The following CFAP65 variants were observed in gnomAD, a reference collection of about 807,000 sequenced individuals.
The protein encoded by CFAP65 is cilia and flagella associated protein 65, also known as cilia- and flagella-associated protein 65.
Under a neutral mutation model 208.0 loss-of-function variants are expected in CFAP65, and 155 were observed. The ratio of observed to expected loss-of-function variants is 0.75; its 90% CI spans 0.65 to 0.85. CFAP65 has a LOEUF of 0.85. Ranked by LOEUF, CFAP65 falls within the 40% of genes least tolerant of loss-of-function variation. The probability of loss-of-function intolerance (pLI) is 0.00; values close to 1 mark genes in which losing one functional copy is unlikely to be tolerated. For synonymous variants in CFAP65, 970 were observed against 986.3 expected (o/e 0.98, Z 0.31); for missense variants, 2,294 against 2,451.3 (o/e 0.94, Z 1.36).
At chr2:219,005,176 C>T (rs1415471629) in intron 32 of CFAP65, among the ~76,000 whole-genome samples, 1 of 152,038 alleles carries the variant, frequency 6.6e-6, no homozygotes, top group Non-Finnish European at 1.5e-5. Flanking sequence ...CAGGCATGCA[C>T]CACCATGTCC....
chr2:219,017,325 C>T (rs544025196), intron 21 of CFAP65, among the ~76,000 whole-genome samples: 54 of 152,346 alleles, frequency 3.5e-4, no homozygotes, highest in African/African-American at 1.2e-3. Flanking sequence ...GGGGAGAAGG[C>T]GTGGAGGGAG....
intron 1 of CFAP65, 82 bp from the exon 2 acceptor site, chr2:219,040,646 A>G (rs1327236995): frequency 6.5e-7 from 1 of 1,550,250 alleles, no homozygotes; most frequent in East Asian, 2.4e-5. Context: ...AATGCCTCTG[A>G]CCTCAGGGGA....
At chr2:219,006,833 CAA>C (rs752764154) in intron 29 of CFAP65, among the ~76,000 whole-genome samples, 27 of 76,414 alleles carry the variant, frequency 3.5e-4, no homozygotes, top group East Asian at 7.8e-4. Flanking sequence ...GACTCTGTCT[CAA>C]AAAAAAAAAA....
At chr2:219,028,069 C>G in intron 12 of CFAP65, 60 bp from the exon 13 acceptor site, 1 of 1,527,300 alleles carries the variant, frequency 6.5e-7, no homozygotes, top group South Asian at 1.3e-5. Flanking sequence ...TGTTGCCCCT[C>G]CTGGGTACAC....
intron 14 of CFAP65, 141 bp from the exon 15 acceptor site, chr2:219,024,401 GA>G (rs1947480438): frequency 1.1e-6 from 1 of 945,786 alleles, no homozygotes; most frequent in African/African-American, 1.7e-5. Flanking sequence ...AACGCCCTGG[GA>G]ACGGGGAATT....
rs137912772 is a variant in CFAP65, at chr2:219,019,554, C to T, written c.3425G>A (p.Arg1142His). 2.7e-5 allele frequency: 44 copies of T among 1,613,330 alleles called. No individual in the cohort carries two copies. Among genetic ancestry groups the T allele is most frequent in the Middle Eastern group, 1.7e-4 (1 of 5,930 alleles). The change falls in exon 20 of 35, where the codon CGT (arginine) becomes CAT (histidine). Residue 1142 changes from arginine to histidine, a missense_variant. Physicochemically the swap from Arg to His is conservative, Grantham distance 29. This residue lies in a region of CFAP65 where 1,427 missense variants were observed against 1,438.7 expected (regional missense o/e 0.99). Coordinates refer to ENST00000341552, the MANE Select transcript of CFAP65 (RefSeq NM_194302.4). ...GGTGAGCTCACAGGGGGTGGGGTCACGCTCCAAGTAACTGTTAAGCAGGTC... is the reference window on the plus strand; with the variant it reads ...GGTGAGCTCACAGGGGGTGGGGTCATGCTCCAAGTAACTGTTAAGCAGGTC... Reference protein sequence around the residue: ...SLDLLNSYLERDPTPCELTYK... With the variant: ...SLDLLNSYLEHDPTPCELTYK...
At chr2:219,039,077 T>C (rs953034449) in intron 2 of CFAP65, 27 bp from the exon 3 acceptor site, 3 of 1,569,838 alleles carry the variant, frequency 1.9e-6, no homozygotes, top group East Asian at 2.2e-5. Context: ...AAAGCATAAG[T>C]CAATCCATCT....
intron 9 of CFAP65, 99 bp from the exon 10 acceptor site, chr2:219,030,307 G>T: frequency 4.0e-6 from 5 of 1,265,296 alleles, no homozygotes; most frequent in Non-Finnish European, 5.7e-6. Flanking sequence ...AGCCAAGGGG[G>T]TGGGGGCAGC....
At chr2:219,030,861 G>C (rs772859468) in intron 8 of CFAP65, 27 bp from the exon 9 acceptor site, 4 of 1,607,028 alleles carry the variant, frequency 2.5e-6, no homozygotes, top group Admixed American at 1.7e-5. Context: ...GGAGTCTTGG[G>C]GGAACCCACC....
chr2:219,010,959 G>A lies in CFAP65; in HGVS notation c.3995C>T (p.Thr1332Ile), dbSNP rs1451640259. Residue 1332 changes from threonine to isoleucine, a missense_variant, in exon 25 of 35, where the codon ACA (threonine) becomes ATA (isoleucine). This residue lies in a region of CFAP65 where 1,427 missense variants were observed against 1,438.7 expected (regional missense o/e 0.99). Coordinates refer to ENST00000341552, the MANE Select transcript of CFAP65 (RefSeq NM_194302.4). ...ELYNGGSVPV[T>I]YEVQTDVLSQ... ...CAGGACATCGGTCTGGACCTCATATGTCACGGGCACTGAGCCACCATTATA... is the reference window on the plus strand; with the variant it reads ...CAGGACATCGGTCTGGACCTCATATATCACGGGCACTGAGCCACCATTATA... The A allele has an allele frequency of 1.2e-6, 2 of 1,613,600 alleles. No individual in the cohort carries two copies. The highest frequency in any genetic ancestry group is 2.2e-5 in the East Asian group (1 of 44,874).
chr2:219,036,549 ATT>A (rs1362608049), intron 4 of CFAP65, among the ~76,000 whole-genome samples: 2,490 of 150,800 alleles, frequency 0.017, 81 homozygotes, highest in African/African-American at 0.057. Flanking sequence ...GGTTCAAGTG[ATT>A]TTCTCGCCTT....
intron 5 of CFAP65, chr2:219,034,417 A>G (rs1181156191): frequency 1.3e-5 from 2 of 152,216 alleles, no homozygotes; most frequent in Non-Finnish European, 2.9e-5. Context: ...AGGCAAAAAT[A>G]TAAAGTCTTT....
At chr2:219,026,458 C>A in intron 13 of CFAP65, 1 of 272,354 alleles carries the variant, frequency 3.7e-6, no homozygotes, top group African/African-American at 2.2e-5. Flanking sequence ...AAGCGCTGGC[C>A]AATAGAAATA....
At chr2:219,025,842 C>A (rs1189940951) in intron 14 of CFAP65, among the ~76,000 whole-genome samples, 180 bp downstream of exon 14, 1 of 152,158 alleles carries the variant, frequency 6.6e-6, no homozygotes, top group Non-Finnish European at 1.5e-5. Flanking sequence ...TGTCGGGGCC[C>A]AGGAGCAAGT....
intron 26 of CFAP65, 59 bp from the exon 27 acceptor site, chr2:219,010,144 C>T (rs1032229085): frequency 1.3e-6 from 2 of 1,503,888 alleles, no homozygotes; most frequent in Non-Finnish European, 1.8e-6. Context: ...TGGCTCACGC[C>T]TGTAATCCCA....
At chr2:219,006,551 C>T (rs145551970) in intron 29 of CFAP65, 42 bp from the exon 30 acceptor site, 64 of 1,602,318 alleles carry the variant, frequency 4.0e-5, no homozygotes, top group Admixed American at 5.0e-5. Context: ...ACAAGAGGCC[C>T]GGCCGGGGGT....
At chr2:219,007,207 T>C (rs1946080457) in intron 29 of CFAP65, among the ~76,000 whole-genome samples, 1 of 150,378 alleles carries the variant, frequency 6.6e-6, no homozygotes, top group African/African-American at 2.5e-5. Context: ...AGGGTCTCAC[T>C]CTGTCACCCA....
intron 12 of CFAP65, 88 bp from the exon 13 acceptor site, chr2:219,028,097 A>G (rs2106211816): frequency 4.5e-6 from 7 of 1,551,716 alleles, no homozygotes; most frequent in Non-Finnish European, 6.1e-6. Flanking sequence ...TAGAAAGGCT[A>G]CACCAGTCGC....
chr2:219,022,202 A>C lies in CFAP65; in HGVS notation c.2948T>G (p.Leu983Arg). 6.2e-7 allele frequency: 1 copy of C among 1,605,190 alleles called. No homozygotes were observed. Among genetic ancestry groups the C allele is most frequent in the Middle Eastern group, 1.7e-4 (1 of 6,050 alleles). ...GCTGCTGGTGAGCCCAACGCCCACC[A>C]GCCGGAGCATGTAGTGGGTGGTGGC... is the stretch of plus-strand genomic sequence containing the variant. ...PAATTHYMLR[L>R]VGVGLTSSLS... The change falls in exon 17 of 35, where the codon CTG (leucine) becomes CGG (arginine). Residue 983 changes from leucine to arginine, a missense_variant. Transcript: ENST00000341552.
Sources: gnomAD v4.1 joint callset for allele counts (sites outside exome capture counted in the v4.1 genomes callset) on GRCh38, gnomAD v4.1.1 for gene constraint, gnomAD v4.1.1 regional missense constraint, MANE v1.5 for transcripts, NCBI Gene and HGNC (gene_info 2026-07-23, HGNC 2026-07-21) for gene names.